The following MCRS1 variants were observed in gnomAD, a reference collection of about 807,000 sequenced individuals.
MCRS1 encodes microspherule protein 1, also known as 58 kDa microspherule protein.
In MCRS1, 22 loss-of-function variants were observed where a neutral mutation model predicts 62.9. The ratio of observed to expected loss-of-function variants is 0.35; its 90% CI spans 0.25 to 0.50. MCRS1 has a LOEUF of 0.50. Among genes scored for constraint, MCRS1 ranks in the 20% least tolerant of loss-of-function variants. The pLI, the probability that MCRS1 is intolerant of heterozygous loss-of-function variation, is 0.98. For synonymous variants in MCRS1, 244 were observed against 233.5 expected, an observed-to-expected ratio of 1.04 and a Z score of -0.41; for missense variants, 456 against 601.1, an observed-to-expected ratio of 0.76 and a Z score of 2.52.
intron 2 of MCRS1, 157 bp downstream of exon 2, chr12:49,566,565 C>A: frequency 6.8e-7 from 1 of 1,476,134 alleles, no homozygotes; most frequent in South Asian, 1.2e-5. Flanking sequence ...GCAAGTCAGT[C>A]AACTGTGGCT....
intron 8 of MCRS1, 24 bp from the exon 9 acceptor site, chr12:49,560,394 TGAG>T: frequency 6.2e-7 from 1 of 1,611,706 alleles, no homozygotes; most frequent in Non-Finnish European, 8.5e-7. Context: ...AGAGAAAGCG[TGAG>T]CACCAAGGGT....
rs1015333833 is a variant in MCRS1, at chr12:49,558,576, A to C, written c.*67T>G. 10 of 1,531,560 alleles carry C rather than the reference A, an allele frequency of 6.5e-6. No homozygotes were observed. The African/African-American group carries it at 1.4e-4, about 21-fold the overall frequency. The allele number at this position is 1,531,560 out of a possible 1,614,324, so 94.9% of individuals were successfully genotyped here. On this transcript the variant is annotated 3_prime_UTR_variant, in exon 15 of 15. Coordinates refer to ENST00000343810, the MANE Select transcript of MCRS1 (RefSeq NM_006337.5). ...GGTTTTTCCAGGAGCCTGAGTTCCC[A>C]GCTCAAGGGGGCTGGAGTGGCAGGG...
At position 49,566,813 on chromosome 12, in the gene MCRS1, C is replaced by A; in HGVS notation, c.-82G>T. Reference sequence around the variant, plus strand: ...CACAGGCTCATCCAAGGATTCTGACCAGGTGAGCTTAAAGGCTGAGAGGAG... The same window carrying A: ...CACAGGCTCATCCAAGGATTCTGACAAGGTGAGCTTAAAGGCTGAGAGGAG... On this transcript the variant is annotated 5_prime_UTR_variant, in exon 2 of 15. Coordinates refer to ENST00000343810, the MANE Select transcript of MCRS1 (RefSeq NM_006337.5). 6.4e-7 allele frequency: 1 copy of A among 1,562,216 alleles called. No individual in the cohort carries two copies. Among genetic ancestry groups the A allele is most frequent in the South Asian group, 1.1e-5 (1 of 87,220 alleles).
In MCRS1 at chr12:49,560,387, G is replaced by A; in HGVS notation, c.806-17C>T. 1 of 1,613,216 alleles carries A rather than the reference G, an allele frequency of 6.2e-7. No homozygotes were observed. ...GCGGCTGCACTGAACAAAGGACAGA[G>A]AAAGCGTGAGCACCAAGGGTCTTGC... On this transcript the variant is annotated splice_polypyrimidine_tract_variant and intron_variant, in intron 8 of 14. Transcript: ENST00000343810.
intron 1 of MCRS1, among the ~76,000 whole-genome samples, chr12:49,567,100 C>A (rs980750393): frequency 6.6e-6 from 1 of 152,088 alleles, no homozygotes; most frequent in Non-Finnish European, 1.5e-5. Flanking sequence ...GTTCATAGAC[C>A]CTTTAATTCT....
intron 2 of MCRS1, 125 bp from the exon 3 acceptor site, chr12:49,566,340 A>C: frequency 2.6e-6 from 4 of 1,539,842 alleles, no homozygotes; most frequent in Non-Finnish European, 3.5e-6. Context: ...TTGACACTTG[A>C]GGTTTTAAGG....
At position 49,560,234 on chromosome 12, in the gene MCRS1, G is replaced by A. The variant is rs553196709; in HGVS notation, c.881+61C>T. The A allele has an allele frequency of 3.0e-5, 47 of 1,559,250 alleles. 1 individual carries two copies. The South Asian group carries it at 3.9e-4, about 13-fold the overall frequency. ...GGGCTGGGGCTGGGCAGCCTGGGGC[G>A]CTCTACCTGACAGGAGTGACTCGGC... On this transcript the variant is annotated intron_variant, in intron 9 of 14. Coordinates refer to ENST00000343810, the MANE Select transcript of MCRS1 (RefSeq NM_006337.5).
chr12:49,563,360 T>G, intron 7 of MCRS1, 78 bp downstream of exon 7: 1 of 1,433,768 alleles, frequency 7.0e-7, no homozygotes, highest in Non-Finnish European at 9.7e-7. Flanking sequence ...GGTGGGGAGC[T>G]CTCCACATCA....
chr12:49,566,243 G>T (rs750663936), intron 2 of MCRS1, 28 bp from the exon 3 acceptor site: 1 of 1,603,568 alleles, frequency 6.2e-7, no homozygotes, highest in South Asian at 1.1e-5. Flanking sequence ...GTGGATTCGG[G>T]CCTCCTAAGA....
rs1167414254 is a variant in MCRS1 at position 49,558,400 on chromosome 12, G to T, written c.*243C>A. ...ACAGGAGTGAAGGTGGCAATGGGGG[G>T]TAGGGTTGTTTTTAGAGAGAGGAAG... On this transcript the variant is annotated 3_prime_UTR_variant, in exon 15 of 15. Transcript: ENST00000343810. 5 of 540,920 alleles carry T rather than the reference G, an allele frequency of 9.2e-6. No individual in the cohort carries two copies. Among genetic ancestry groups the T allele is most frequent in the Non-Finnish European group, 1.6e-5 (5 of 307,560 alleles). 33.5% of individuals were successfully genotyped at this position (540,920 alleles called of 1,614,324 possible). A position where few individuals can be genotyped will look rare whatever the true frequency, so the allele number is the denominator to read the frequency against.
At position 49,565,475 on chromosome 12, in the gene MCRS1, G is replaced by A. The variant is rs879245154; in HGVS notation, c.288+54C>T. 45 of 1,544,238 alleles carry A rather than the reference G, an allele frequency of 2.9e-5. No individual in the cohort carries two copies. In the South Asian group the frequency reaches 5.6e-4, roughly 19 times the overall value. The stretch of plus-strand genomic sequence containing the variant: ...TCTTGGCAGCTGGCAAAGGTTCTGG[G>A]GAAACATGAAATCTGGCACTACCTC... On this transcript the variant is annotated intron_variant, in intron 4 of 14. Transcript: ENST00000343810.
At position 49,564,473 on chromosome 12, in the gene MCRS1, C is replaced by G; in HGVS notation, c.557+8G>C. On this transcript the variant is annotated splice_region_variant and intron_variant, in intron 6 of 14. Coordinates refer to ENST00000343810, the MANE Select transcript of MCRS1 (RefSeq NM_006337.5). ...ACCTCCCCACTGCTGGAACCAGCTC[C>G]CACTCACTTGGAGATGACAGGATCG... is the stretch of plus-strand genomic sequence containing the variant. 6.2e-7 allele frequency: 1 copy of G among 1,607,336 alleles called. No homozygotes were observed. The highest frequency in any genetic ancestry group is 8.5e-7 in the Non-Finnish European group (1 of 1,175,184).
rs542815385 is a variant in MCRS1, at chr12:49,559,586, A to T, written c.1004-51T>A. The T allele has an allele frequency of 6.2e-7, 1 of 1,602,186 alleles. No individual in the cohort carries two copies. Among genetic ancestry groups the T allele is most frequent in the East Asian group, 2.2e-5 (1 of 44,836 alleles). ...GCCTACCCCTGAGGGCCAGAATGCA[A>T]GGCAGGGAACCAGGGCAAGGTTTAT... On this transcript the variant is annotated intron_variant, in intron 11 of 14. Transcript: ENST00000343810. The surrounding 1 kb of genome is among the most constrained non-coding windows in gnomAD (Gnocchi z 5.2).
chr12:49,560,468 G>A, intron 8 of MCRS1, 98 bp from the exon 9 acceptor site: 1 of 1,107,602 alleles, frequency 9.0e-7, no homozygotes, highest in Non-Finnish European at 1.4e-6. Context: ...AGACTGCGCT[G>A]GGTGGAGAGC....
At chr12:49,560,685 C>G (rs1315664519) in intron 8 of MCRS1, among the ~76,000 whole-genome samples, 1 of 152,204 alleles carries the variant, frequency 6.6e-6, no homozygotes, top group African/African-American at 2.4e-5. Flanking sequence ...CTCTATTTTA[C>G]AGATGAGGAA....
Position 49,558,481 on chromosome 12 carries a change from C to G in MCRS1, c.*162G>C. The G allele has an allele frequency of 1.4e-6, 1 of 691,952 alleles. No homozygotes were observed. The highest frequency in any genetic ancestry group is 2.3e-6 in the Non-Finnish European group (1 of 425,572). The allele number at this position is 691,952 out of a possible 1,614,324, so 42.9% of individuals were successfully genotyped here. Reference sequence around the variant, plus strand: ...TGAGGTTCTCAGCCTCTGCTGGCTTCACAAAGGCCAGCCCTATCCTCCCTC... The same window carrying G: ...TGAGGTTCTCAGCCTCTGCTGGCTTGACAAAGGCCAGCCCTATCCTCCCTC... On this transcript the variant is annotated 3_prime_UTR_variant, in exon 15 of 15. Transcript: ENST00000343810.
At chr12:49,565,278 G>C in intron 4 of MCRS1, 1 of 985,408 alleles carries the variant, frequency 1.0e-6, no homozygotes, top group Non-Finnish European at 1.2e-6. Flanking sequence ...TCCCAGAATA[G>C]ATGCATGCTC....
In MCRS1 at chr12:49,564,522, C is replaced by T; in HGVS notation, c.516G>A (p.Gln172=). 1 of 1,613,394 alleles carries T rather than the reference C, an allele frequency of 6.2e-7. No individual in the cohort carries two copies. Among genetic ancestry groups the T allele is most frequent in the Non-Finnish European group, 8.5e-7 (1 of 1,179,660 alleles). ...CGTAGAGCAGGGCGTACCAACGCTC[C>T]TGGACCTCCCGAAGGGTGAAGCGGC... The part of the protein sequence containing the change: ...FSCRFTLREV[Q]ERWYALLYDP... The change falls in exon 6 of 15, where the codon CAG becomes CAA. Residue 172 remains glutamine, a synonymous_variant. Transcript: ENST00000343810.
chr12:49,564,378 C>T, intron 6 of MCRS1, 103 bp downstream of exon 6: 2 of 939,350 alleles, frequency 2.1e-6, no homozygotes, highest in Non-Finnish European at 3.2e-6. Flanking sequence ...AGGAGTCCTG[C>T]CTCCCAGACC....
Sources: allele counts gnomAD v4.1 joint callset (sites outside exome capture counted in the v4.1 genomes callset), GRCh38; gene constraint gnomAD v4.1.1; non-coding constraint Gnocchi (gnomAD v3.1); transcripts MANE v1.5; gene names NCBI Gene and HGNC (gene_info 2026-07-23, HGNC 2026-07-21).